PRDM6: variants seen among roughly 807,000 people sequenced by gnomAD.
PRDM6 encodes the protein PR/SET domain 6.
In PRDM6, 25 loss-of-function variants were observed where a neutral mutation model predicts 60.8. That is an observed-to-expected ratio of 0.41 (90% CI 0.30 to 0.57). The LOEUF is 0.57. PRDM6 is among the 20% of genes least tolerant of loss of function. PRDM6 has a pLI of 0.27. For synonymous variants in PRDM6, 407 were observed against 357.4 expected (o/e 1.14, Z -1.57); for missense variants, 839 against 821.3 (o/e 1.02, Z -0.26).
At chr5:123,130,489 C>T (rs576668166) in intron 3 of PRDM6, among the ~76,000 whole-genome samples, 2 of 151,080 alleles carry the variant, frequency 1.3e-5, no homozygotes, top group Admixed American at 1.3e-4. Flanking sequence ...TAGCAGTACA[C>T]ATATGTTTTT....
At chr5:123,167,392 C>CT (rs34980495) in intron 5 of PRDM6, among the ~76,000 whole-genome samples, 6,912 of 142,134 alleles carry the variant, frequency 0.049, 470 homozygotes, top group African/African-American at 0.16. Context: ...AATTAGGTTA[C>CT]TTTTTTTTTT....
chr5:123,168,168 T>A (rs1377830139), intron 5 of PRDM6, among the ~76,000 whole-genome samples: 2 of 152,262 alleles, frequency 1.3e-5, no homozygotes, highest in Admixed American at 6.5e-5. Flanking sequence ...ATTGATTATA[T>A]TCTTTTGCCC....
intron 3 of PRDM6, among the ~76,000 whole-genome samples, chr5:123,143,934 T>G (rs1037666025): frequency 1.3e-5 from 2 of 152,182 alleles, no homozygotes; most frequent in Non-Finnish European, 2.9e-5. Flanking sequence ...TGTGGTCCAG[T>G]CAGGGGATCC....
chr5:123,178,176 C>A (rs116758437), intron 6 of PRDM6, among the ~76,000 whole-genome samples: 3 of 151,570 alleles, frequency 2.0e-5, no homozygotes, highest in Non-Finnish European at 4.4e-5. Context: ...AAATAAATCA[C>A]CCCAACTTTT....
intron 3 of PRDM6, among the ~76,000 whole-genome samples, chr5:123,122,253 A>G (rs1021129110): frequency 4.6e-5 from 7 of 151,908 alleles, no homozygotes; most frequent in African/African-American, 1.5e-4. Flanking sequence ...GATGGCAGAC[A>G]TTTTATAAAT....
intron 6 of PRDM6, chr5:123,173,486 G>GAAGT (rs1373195500): frequency 6.0e-6 from 1 of 167,144 alleles, no homozygotes; most frequent in Admixed American, 6.5e-5. Flanking sequence ...CAGATGAGGT[G>GAAGT]AAGTAATGGG....
intron 3 of PRDM6, among the ~76,000 whole-genome samples, chr5:123,124,981 A>G (rs1764659914): frequency 1.3e-5 from 2 of 151,950 alleles, no homozygotes; most frequent in Admixed American, 6.6e-5. Context: ...CTTTTTCTCT[A>G]TTCACGTTTT....
intron 2 of PRDM6, 80 bp downstream of exon 2, chr5:123,090,686 G>A: frequency 1.2e-6 from 1 of 862,108 alleles, no homozygotes; most frequent in Non-Finnish European, 1.7e-6. Context: ...TCAGGGAGGC[G>A]GGTCGGATAG....
rs750401988 is a variant in PRDM6 at position 123,187,297 on chromosome 5, A to G, written c.*96A>G. 52 of 916,562 alleles carry G rather than the reference A, an allele frequency of 5.7e-5. No individual in the cohort carries two copies. The highest frequency in any genetic ancestry group is 2.1e-4 in the Middle Eastern group (1 of 4,662). The allele number at this position is 916,562 out of a possible 1,614,324, so 56.8% of individuals were successfully genotyped here. A position where few individuals can be genotyped will look rare whatever the true frequency, so the allele number is the denominator to read the frequency against. On this transcript the variant is annotated 3_prime_UTR_variant, in exon 8 of 8. Transcript: ENST00000407847. ...AAAGATTTCCTCTGAGCAACTTTCAATCAGTCCCAGAAAACCAAAAGCAGT... is the reference window on the plus strand; with the variant it reads ...AAAGATTTCCTCTGAGCAACTTTCAGTCAGTCCCAGAAAACCAAAAGCAGT...
chr5:123,155,284 T>TTA (rs869121173), intron 3 of PRDM6, among the ~76,000 whole-genome samples: 1 of 140,332 alleles, frequency 7.1e-6, no homozygotes, highest in Non-Finnish European at 1.6e-5. Flanking sequence ...TTTTTTTTTT[T>TTA]AATGACTCCT....
Position 123,187,091 on chromosome 5 carries a change from G to A in PRDM6, c.1678G>A (p.Glu560Lys), listed in dbSNP as rs756542248. The A allele has an allele frequency of 7.1e-6, 11 of 1,551,138 alleles. No individual in the cohort carries two copies. The highest frequency in any genetic ancestry group is 5.5e-5 in the African/African-American group (4 of 73,152). ...TTTCTCTCTTGCCTCCACCAGGTGC[G>A]AGAGGTGTGAGAGGAGCTTCACGCA... ...THTGEKPFKC[E>K]RCERSFTQAT... The change falls in exon 8 of 8, where the codon GAG (glutamate) becomes AAG (lysine). Residue 560 changes from glutamate (E) to lysine (K), a missense_variant. By Grantham distance (56) the Glu-to-Lys change is moderately conservative. Transcript: ENST00000407847.
chr5:123,168,671 C>G (rs1415658676), intron 5 of PRDM6, among the ~76,000 whole-genome samples: 1 of 152,202 alleles, frequency 6.6e-6, no homozygotes, highest in African/African-American at 2.4e-5. Flanking sequence ...GTGCAGTACC[C>G]AAGGTTAAGA....
intron 3 of PRDM6, among the ~76,000 whole-genome samples, chr5:123,151,496 A>G (rs996036619): frequency 6.6e-6 from 1 of 152,178 alleles, no homozygotes; most frequent in Non-Finnish European, 1.5e-5. Flanking sequence ...AGTGGAGAGA[A>G]GGTGAGAAGG....
At chr5:123,118,961 T>C (rs1373419681) in intron 3 of PRDM6, among the ~76,000 whole-genome samples, 1 of 152,192 alleles carries the variant, frequency 6.6e-6, no homozygotes, top group African/African-American at 2.4e-5. Flanking sequence ...GTATCTTGGC[T>C]CTTATGCATC....
rs920256314 is a variant in PRDM6 at position 123,170,842 on chromosome 5, C to T, written c.1230C>T (p.Leu410=). The change falls in exon 6 of 8, where the codon CTC becomes CTT. Residue 410 remains leucine (L), a synonymous_variant. Coordinates refer to ENST00000407847, the MANE Select transcript of PRDM6 (RefSeq NM_001136239.4). ...ALQPFNKSSK[L]APTTQQRSVV... is the part of the protein sequence containing the mutation. Reference sequence around the variant, plus strand: ...AGCCCTTCAACAAAAGCAGCAAACTCGCCCCTACCACCCAGCAGCGCTCCG... The same window carrying T: ...AGCCCTTCAACAAAAGCAGCAAACTTGCCCCTACCACCCAGCAGCGCTCCG... The T allele has an allele frequency of 7.1e-6, 11 of 1,552,112 alleles. No homozygotes were observed. The highest frequency in any genetic ancestry group is 5.9e-5 in the Admixed American group (3 of 50,992).
chr5:123,169,822 G>A (rs753201704), intron 5 of PRDM6, among the ~76,000 whole-genome samples: 3 of 152,068 alleles, frequency 2.0e-5, no homozygotes, highest in Non-Finnish European at 2.9e-5. Flanking sequence ...GAATAACTGC[G>A]GCCCAGAGCT....
rs1764051144 is a variant in PRDM6, at chr5:123,099,666, GCGCGGA to G, written c.607_612del (p.Ala203_Asp204del). The G allele has an allele frequency of 6.8e-7, 1 of 1,461,162 alleles. No individual in the cohort carries two copies. The highest frequency in any genetic ancestry group is 9.1e-7 in the Non-Finnish European group (1 of 1,103,002). 90.5% of individuals were successfully genotyped at this position (1,461,162 alleles called of 1,614,324 possible). On this transcript the variant is annotated inframe_deletion, in exon 3 of 8. Transcript: ENST00000407847. This position sits in a 1 kb window ranked among gnomAD's most constrained non-coding sequence, Gnocchi z 4.0. The stretch of plus-strand genomic sequence containing the variant: ...TTGTCTCCCGCAGGTTGCGACATGT[GCGCGGA>G]CAACCGCAACGGCGAGTGCCCTATG...
At chr5:123,134,150 A>G (rs1327577344) in intron 3 of PRDM6, among the ~76,000 whole-genome samples, 2 of 152,118 alleles carry the variant, frequency 1.3e-5, no homozygotes, top group African/African-American at 2.4e-5. Context: ...TTTTTCTCTC[A>G]TAAAAACTCG....
At chr5:123,175,076 A>G (rs559706310) in intron 6 of PRDM6, among the ~76,000 whole-genome samples, 12 of 152,218 alleles carry the variant, frequency 7.9e-5, no homozygotes, top group African/African-American at 2.6e-4. Context: ...CTTTTGCTCA[A>G]ACCAAAAGTG....
Sources: allele counts gnomAD v4.1 joint callset (sites outside exome capture counted in the v4.1 genomes callset), GRCh38; gene constraint gnomAD v4.1.1; non-coding constraint Gnocchi (gnomAD v3.1); transcripts MANE v1.5; gene names NCBI Gene and HGNC (gene_info 2026-07-23, HGNC 2026-07-21).